Variants in ST6GAL2 observed in about 807,000 individuals in gnomAD.
ST6GAL2 encodes the protein beta-galactoside alpha-2,6-sialyltransferase 2.
Under a neutral mutation model 37.5 loss-of-function variants are expected in ST6GAL2, and 24 were observed. That is an observed-to-expected ratio of 0.64 (90% confidence interval 0.46 to 0.90). The LOEUF (loss-of-function observed/expected upper bound fraction) is 0.90, where lower values mean the gene tolerates loss of function less well. Ranked by LOEUF, ST6GAL2 falls within the 40% of genes least tolerant of loss-of-function variation. The probability of loss-of-function intolerance (pLI) is 0.00; values close to 1 mark genes in which losing one functional copy is unlikely to be tolerated. For synonymous variants in ST6GAL2, 306 were observed against 295.1 expected, an observed-to-expected ratio of 1.04 and a Z score of -0.38; for missense variants, 715 against 712.7, an observed-to-expected ratio of 1.00 and a Z score of -0.04.
At chr2:106,834,845 T>C (rs1676570081) in intron 2 of ST6GAL2, 2 of 152,292 alleles carry the variant, frequency 1.3e-5, no homozygotes, top group African/African-American at 2.4e-5. Context: ...TTATGTTCTA[T>C]AACCACACAC....
chr2:106,825,578 A>C (rs1195506161), intron 5 of ST6GAL2, among the ~76,000 whole-genome samples: 1 of 152,232 alleles, frequency 6.6e-6, no homozygotes, highest in Non-Finnish European at 1.5e-5. Flanking sequence ...ACACATGCTA[A>C]ATTTTGAAAA....
intron 5 of ST6GAL2, among the ~76,000 whole-genome samples, chr2:106,823,535 T>C (rs1165110933): frequency 1.4e-5 from 2 of 147,928 alleles, no homozygotes; most frequent in Non-Finnish European, 3.0e-5. Flanking sequence ...AAAGATTTCC[T>C]AATCCAATAA....
At chr2:106,813,202 A>G (rs953579599) in intron 5 of ST6GAL2, 6 of 1,367,014 alleles carry the variant, frequency 4.4e-6, no homozygotes, top group Non-Finnish European at 4.7e-6. Flanking sequence ...AAGCTCTGAT[A>G]TGGCCAATTT....
intron 1 of ST6GAL2, among the ~76,000 whole-genome samples, chr2:106,876,790 A>T (rs780395180): frequency 3.3e-4 from 51 of 152,326 alleles, no homozygotes; most frequent in Non-Finnish European, 6.2e-4. Flanking sequence ...TGGTTAAGGT[A>T]TACAGCTGAA....
At chr2:106,878,548 G>A (rs1322852700) in intron 1 of ST6GAL2, among the ~76,000 whole-genome samples, 1 of 152,134 alleles carries the variant, frequency 6.6e-6, no homozygotes, top group African/African-American at 2.4e-5. Context: ...GATCACTTGA[G>A]TCCAGGAATT....
intron 1 of ST6GAL2, among the ~76,000 whole-genome samples, chr2:106,872,500 G>C (rs140224444): frequency 7.1e-4 from 108 of 152,300 alleles, no homozygotes; most frequent in African/African-American, 2.6e-3. Flanking sequence ...TCCACACTTA[G>C]GCTCTTCTTT....
chr2:106,851,263 A>AATGC (rs1373962600), intron 1 of ST6GAL2, among the ~76,000 whole-genome samples: 17 of 152,212 alleles, frequency 1.1e-4, no homozygotes, highest in African/African-American at 4.1e-4. Flanking sequence ...AGGCAAAATC[A>AATGC]AAAGTGCCTC....
In ST6GAL2 at chr2:106,853,454, A is replaced by G. The variant is rs571493128; in HGVS notation, c.-57-9420T>C. Among the ~76,000 whole-genome samples, 5 of 152,348 alleles carry G rather than the reference A, an allele frequency of 3.3e-5. No homozygotes were observed. The East Asian group carries it at 9.7e-4, about 29-fold the overall frequency. On this transcript the variant is annotated intron_variant, in intron 1 of 5. Transcript: ENST00000409382. ...TTGCATGGTCCCAGGACTGCTGAAT[A>G]AATGACAAGCAATATGGATTAAAGT...
chr2:106,835,392 C>A (rs1273993345), intron 2 of ST6GAL2, among the ~76,000 whole-genome samples: 1 of 152,184 alleles, frequency 6.6e-6, no homozygotes, highest in Non-Finnish European at 1.5e-5. Flanking sequence ...CCCCAAATAG[C>A]AGAAACTCAC....
chr2:106,868,548 T>C (rs1355481249), intron 1 of ST6GAL2, among the ~76,000 whole-genome samples: 1 of 152,206 alleles, frequency 6.6e-6, no homozygotes, highest in African/African-American at 2.4e-5. Flanking sequence ...TGTGTACAAG[T>C]CCCAAAGCAA....
chr2:106,835,907 T>C (rs1207954720), intron 2 of ST6GAL2, among the ~76,000 whole-genome samples: 1 of 152,234 alleles, frequency 6.6e-6, no homozygotes, highest in Non-Finnish European at 1.5e-5. Flanking sequence ...AGGTAATGGA[T>C]TTCTTATTTA....
At chr2:106,885,998 C>T (rs367685862) in intron 1 of ST6GAL2, 95 bp downstream of exon 1, 2 of 152,318 alleles carry the variant, frequency 1.3e-5, no homozygotes, top group African/African-American at 2.4e-5. Context: ...GGGTCTCGCT[C>T]CTAAACACGG....
chr2:106,842,372 C>T (rs951145663), intron 2 of ST6GAL2, among the ~76,000 whole-genome samples: 1 of 152,200 alleles, frequency 6.6e-6, no homozygotes, highest in African/African-American at 2.4e-5. Flanking sequence ...ATGTTATTTA[C>T]CATCTTGGAG....
At chr2:106,865,004 A>G (rs1677963998) in intron 1 of ST6GAL2, among the ~76,000 whole-genome samples, 1 of 152,146 alleles carries the variant, frequency 6.6e-6, no homozygotes, top group South Asian at 2.1e-4. Flanking sequence ...CACTATAGCC[A>G]ATTTCAAACT....
intron 1 of ST6GAL2, among the ~76,000 whole-genome samples, chr2:106,871,415 TTTTC>T (rs1245731200): frequency 6.6e-6 from 1 of 152,274 alleles, no homozygotes; most frequent in East Asian, 1.9e-4. Flanking sequence ...AAAAAAATGG[TTTTC>T]TTTCTTCAAT....
intron 1 of ST6GAL2, among the ~76,000 whole-genome samples, chr2:106,870,881 G>A (rs1207493498): frequency 1.3e-5 from 2 of 152,176 alleles, no homozygotes; most frequent in African/African-American, 4.8e-5. Context: ...GGGCTTGGGG[G>A]TGTGCGGGGA....
In ST6GAL2 at chr2:106,855,250, C is replaced by A. The variant is rs1372159120; in HGVS notation, c.-57-11216G>T. The stretch of plus-strand genomic sequence containing the variant: ...GACCAGTGAGGCCTCTCACAAGAAC[C>A]CAGGGAAGAAAGGGTGCTTAGGGGC... On this transcript the variant is annotated intron_variant, in intron 1 of 5. Transcript: ENST00000409382. Among the ~76,000 whole-genome samples the A allele has an allele frequency of 7.2e-5, 11 of 152,288 alleles. No individual in the cohort carries two copies. The East Asian group carries it at 1.7e-3, about 24-fold the overall frequency.
At chr2:106,820,368 T>TA (rs1325760102) in intron 5 of ST6GAL2, among the ~76,000 whole-genome samples, 2 of 151,418 alleles carry the variant, frequency 1.3e-5, no homozygotes, top group African/African-American at 2.4e-5. Flanking sequence ...CAAAAACCTA[T>TA]AAAAAAAAGA....
intron 1 of ST6GAL2, among the ~76,000 whole-genome samples, chr2:106,860,404 G>T (rs1303367825): frequency 6.6e-6 from 1 of 152,154 alleles, no homozygotes; most frequent in Non-Finnish European, 1.5e-5. Context: ...AAGACTTAGG[G>T]CATAATTTCA....
Sources: gnomAD v4.1 joint callset for allele counts (sites outside exome capture counted in the v4.1 genomes callset) on GRCh38, gnomAD v4.1.1 for gene constraint, MANE v1.5 for transcripts, NCBI Gene and HGNC (gene_info 2026-07-23, HGNC 2026-07-21) for gene names.